Variants in FARS2 observed in about 807,000 individuals in gnomAD.
FARS2 encodes the protein phenylalanine--tRNA ligase, mitochondrial.
In FARS2, 40 loss-of-function variants were observed where a neutral mutation model predicts 46.4. That is an observed-to-expected ratio of 0.86 (90% CI 0.67 to 1.12). The LOEUF is 1.12. Ranked by LOEUF, FARS2 falls within the 50% of genes most tolerant of loss-of-function variation. The pLI is 0.00. For missense variants in FARS2, 513 were observed against 567.9 expected (o/e 0.90, Z 0.98); for synonymous variants, 234 against 214.9 (o/e 1.09, Z -0.78).
chr6:5,323,146 A>G (rs1380457179), intron 1 of FARS2, among the ~76,000 whole-genome samples: 1 of 152,224 alleles, frequency 6.6e-6, no homozygotes, highest in Non-Finnish European at 1.5e-5. Flanking sequence ...GGAAGTACTC[A>G]TCATATACTC....
chr6:5,430,563 A>T (rs1323266694), intron 3 of FARS2, among the ~76,000 whole-genome samples: 1 of 151,536 alleles, frequency 6.6e-6, no homozygotes, highest in Non-Finnish European at 1.5e-5. Flanking sequence ...TTATAAACTT[A>T]AAAATAATAT....
chr6:5,730,288 G>A (rs1345942071), intron 6 of FARS2, among the ~76,000 whole-genome samples: 1 of 152,212 alleles, frequency 6.6e-6, no homozygotes, highest in Non-Finnish European at 1.5e-5. Context: ...GCGAGAGAGC[G>A]CAATTGATTG....
At chr6:5,422,046 A>G (rs116031014) in intron 3 of FARS2, among the ~76,000 whole-genome samples, 3,171 of 152,286 alleles carry the variant, frequency 0.021, 52 homozygotes, top group Admixed American at 0.033. Context: ...GGGAGGAAAA[A>G]TAGGCTTAAT....
At chr6:5,570,194 A>G (rs1772560341) in intron 5 of FARS2, among the ~76,000 whole-genome samples, 1 of 152,252 alleles carries the variant, frequency 6.6e-6, no homozygotes, top group Admixed American at 6.5e-5. Context: ...AAGTGAAAGA[A>G]AAAAGATAGA....
chr6:5,726,246 T>C (rs1760248526), intron 6 of FARS2, among the ~76,000 whole-genome samples: 1 of 152,024 alleles, frequency 6.6e-6, no homozygotes, highest in South Asian at 2.1e-4. Context: ...CACGTGTGCA[T>C]GTTTGAGGCC....
intron 5 of FARS2, among the ~76,000 whole-genome samples, chr6:5,568,851 G>C (rs1020339250): frequency 6.6e-6 from 1 of 152,222 alleles, no homozygotes; most frequent in Non-Finnish European, 1.5e-5. Context: ...CGGCACAGAA[G>C]AAATGATGTG....
Position 5,471,999 on chromosome 6 carries a change from A to G in FARS2, c.904+40827A>G, listed in dbSNP as rs1275873713. ...ATAGTCCCCCAGCTCCTTATCCCAC[A>G]TGGAGTTTTAATTTCCTTTTCTCCT... is the stretch of plus-strand genomic sequence containing the variant. On this transcript the variant is annotated intron_variant, in intron 4 of 6. Transcript: ENST00000274680. The surrounding 1 kb of genome is among the most constrained non-coding windows in gnomAD (Gnocchi z 4.1). Among the ~76,000 whole-genome samples the G allele has an allele frequency of 6.6e-6, 1 of 152,228 alleles. No homozygotes were observed.
At chr6:5,337,625 T>C (rs1240398701) in intron 1 of FARS2, among the ~76,000 whole-genome samples, 4 of 152,192 alleles carry the variant, frequency 2.6e-5, no homozygotes. Flanking sequence ...AAGCTGTTGA[T>C]TTCTCAAAAT....
At chr6:5,729,476 A>G (rs1257818081) in intron 6 of FARS2, among the ~76,000 whole-genome samples, 1 of 152,200 alleles carries the variant, frequency 6.6e-6, no homozygotes. Flanking sequence ...AGCTGAGTAG[A>G]CACATACCTT....
intron 4 of FARS2, among the ~76,000 whole-genome samples, chr6:5,449,952 T>C (rs935454320): frequency 1.3e-5 from 2 of 152,230 alleles, no homozygotes; most frequent in Non-Finnish European, 2.9e-5. Context: ...TATACCAAAA[T>C]CTGCACATAC....
At chr6:5,429,488 G>A (rs1763039139) in intron 3 of FARS2, among the ~76,000 whole-genome samples, 1 of 152,250 alleles carries the variant, frequency 6.6e-6, no homozygotes, top group South Asian at 2.1e-4. Flanking sequence ...TGATGGGCAG[G>A]CAATTATGTT....
In FARS2 at chr6:5,502,219, A is replaced by G. The variant is rs547112877; in HGVS notation, c.905-42961A>G. Among the ~76,000 whole-genome samples the G allele has an allele frequency of 3.3e-5, 5 of 152,348 alleles. No individual in the cohort carries two copies. In the South Asian group the frequency reaches 8.3e-4, roughly 25 times the overall value. On this transcript the variant is annotated intron_variant, in intron 4 of 6. Transcript: ENST00000274680. Reference sequence around the variant, plus strand: ...GCAGGAGCCACTGGCCTTTAGTCAGATGAAACAGTGAGAATTATAGCAATT... The same window carrying G: ...GCAGGAGCCACTGGCCTTTAGTCAGGTGAAACAGTGAGAATTATAGCAATT...
intron 4 of FARS2, among the ~76,000 whole-genome samples, chr6:5,536,304 T>C (rs903485014): frequency 1.3e-5 from 2 of 152,224 alleles, no homozygotes; most frequent in Admixed American, 1.3e-4. Flanking sequence ...GTGCTGGGAA[T>C]ACAGGCGTGA....
At chr6:5,611,468 A>G (rs1321724185) in intron 5 of FARS2, among the ~76,000 whole-genome samples, 1 of 152,186 alleles carries the variant, frequency 6.6e-6, no homozygotes, top group African/African-American at 2.4e-5. Context: ...CTCAGTAACC[A>G]TGATCTGTAG....
chr6:5,598,641 G>A (rs543286912), intron 5 of FARS2, among the ~76,000 whole-genome samples: 25 of 152,288 alleles, frequency 1.6e-4, no homozygotes, highest in Middle Eastern at 3.4e-3. Context: ...CTACTGGGGG[G>A]CTGGGGTCAC....
chr6:5,709,115 T>C (rs1255091536), intron 6 of FARS2, among the ~76,000 whole-genome samples: 1 of 152,208 alleles, frequency 6.6e-6, no homozygotes, highest in Non-Finnish European at 1.5e-5. Context: ...TAATTAGAAG[T>C]CTTTTTTAAT....
At chr6:5,540,467 G>A (rs1252391303) in intron 4 of FARS2, among the ~76,000 whole-genome samples, 5 of 152,024 alleles carry the variant, frequency 3.3e-5, no homozygotes, top group Admixed American at 2.6e-4. Context: ...TGTGAACATC[G>A]TGTAAACTTT....
At position 5,760,558 on chromosome 6, in the gene FARS2, G is replaced by A. The variant is rs1052193632; in HGVS notation, c.1218-10733G>A. ...GATCCTGGGTCCAGTTTTTCCTGTC[G>A]CTTTCTTAATGATGGATTTTTGGCT... On this transcript the variant is annotated intron_variant, in intron 6 of 6. Coordinates refer to ENST00000274680, the MANE Select transcript of FARS2 (RefSeq NM_006567.5). 1.9e-4 allele frequency among the ~76,000 whole-genome samples: 29 copies of A among 152,122 alleles called. 1 individual carries two copies. Among genetic ancestry groups the A allele is most frequent in the African/African-American group, 6.0e-4 (25 of 41,426 alleles).
chr6:5,666,902 G>A (rs535184406), intron 6 of FARS2, among the ~76,000 whole-genome samples: 2 of 152,188 alleles, frequency 1.3e-5, no homozygotes, highest in Non-Finnish European at 2.9e-5. Context: ...AAAAGAATGC[G>A]ATCATGTCCT....
Sources: allele counts gnomAD v4.1 joint callset (sites outside exome capture counted in the v4.1 genomes callset), GRCh38; gene constraint gnomAD v4.1.1; non-coding constraint Gnocchi (gnomAD v3.1); transcripts MANE v1.5; gene names NCBI Gene and HGNC (gene_info 2026-07-23, HGNC 2026-07-21).